PDE4B: variants seen among roughly 807,000 people sequenced by gnomAD.
PDE4B encodes the protein 3',5'-cyclic-AMP phosphodiesterase 4B.
A neutral mutation model predicts 82.2 loss-of-function variants in PDE4B; 20 were observed. That is an observed-to-expected ratio of 0.24 (90% CI 0.17 to 0.35). The LOEUF (loss-of-function observed/expected upper bound fraction) is 0.35, where lower values mean the gene tolerates loss of function less well. PDE4B is among the 10% of genes least tolerant of loss of function. PDE4B has a pLI of 1.00. For missense variants in PDE4B, 655 were observed against 907.2 expected, an observed-to-expected ratio of 0.72 and a Z score of 3.57; for synonymous variants, 320 against 318.9, an observed-to-expected ratio of 1.00 and a Z score of -0.04.
chr1:66,031,369 G>A (rs1653766552), intron 3 of PDE4B, among the ~76,000 whole-genome samples: 2 of 152,176 alleles, frequency 1.3e-5, no homozygotes, highest in South Asian at 4.1e-4. Flanking sequence ...CATGGTCAAG[G>A]AAGGAAAGTG....
intron 3 of PDE4B, among the ~76,000 whole-genome samples, chr1:66,066,920 C>G (rs1031958526): frequency 2.0e-5 from 3 of 151,932 alleles, no homozygotes; most frequent in Non-Finnish European, 4.4e-5. Flanking sequence ...CAAGATTATT[C>G]TGAACATTCA....
At chr1:65,967,307 G>C (rs966671533) in intron 3 of PDE4B, among the ~76,000 whole-genome samples, 7 of 152,184 alleles carry the variant, frequency 4.6e-5, no homozygotes, top group African/African-American at 1.7e-4. Flanking sequence ...CTGGTCATTA[G>C]AGCAATGCAA....
At chr1:65,968,546 G>T (rs541354613) in intron 3 of PDE4B, among the ~76,000 whole-genome samples, 19 of 152,104 alleles carry the variant, frequency 1.2e-4, no homozygotes, top group African/African-American at 3.6e-4. Context: ...AGAGGAATGG[G>T]AAGTTATTCT....
At chr1:65,818,705 A>ATATATATAT (rs1166597055) in intron 1 of PDE4B, among the ~76,000 whole-genome samples, 1 of 93,654 alleles carries the variant, frequency 1.1e-5, no homozygotes, top group Admixed American at 1.1e-4. Context: ...TATATATATA[A>ATATATATAT]AATAACAAAA....
At position 65,887,247 on chromosome 1, in the gene PDE4B, T is replaced by TTTCTTTCTTTCTTTTTC. The variant is rs1297971405; in HGVS notation, c.-70-25996_-70-25995insCTTTCTTTCTTTTTCTT. On this transcript the variant is annotated intron_variant, in intron 1 of 16. Transcript: ENST00000341517. ...CTTTCTTTCTTTCTTTCTTTCTTTCTTTTCTTTCTTTCTTTCCTTCCTTCT... is the reference window on the plus strand; with the variant it reads ...CTTTCTTTCTTTCTTTCTTTCTTTCTTTCTTTCTTTCTTTTTCTTTCTTTCTTTCTTTCCTTCCTTCT... Among the ~76,000 whole-genome samples the TTTCTTTCTTTCTTTTTC allele has an allele frequency of 1.2e-3, 44 of 37,724 alleles. 2 individuals are homozygous for TTTCTTTCTTTCTTTTTC. The highest frequency in any genetic ancestry group is 4.6e-3 in the African/African-American group (43 of 9,442). 24.7% of individuals were successfully genotyped at this position (37,724 alleles called of 152,430 possible). A position where few individuals can be genotyped will look rare whatever the true frequency, so the allele number is the denominator to read the frequency against.
intron 3 of PDE4B, among the ~76,000 whole-genome samples, chr1:66,071,542 A>G (rs932281641): frequency 6.6e-6 from 1 of 152,140 alleles, no homozygotes; most frequent in Non-Finnish European, 1.5e-5. Flanking sequence ...AGCTTACATC[A>G]TTTCCCACCA....
At position 65,918,662 on chromosome 1, in the gene PDE4B, G is replaced by T. The variant is rs762690777; in HGVS notation, c.108G>T (p.Gly36=). The stretch of plus-strand genomic sequence containing the variant: ...ACAGTTCTTCCAGTAACACACTTGG[G>T]ATCGACCTCTGGAGAGGGAGAAGGT... ...KSYSSSSNTL[G]IDLWRGRRCC... is the part of the protein sequence containing the mutation. Residue 36 remains glycine (G), a synonymous_variant, in exon 3 of 17, where the codon GGG becomes GGT. Coordinates refer to ENST00000341517, the MANE Select transcript of PDE4B (RefSeq NM_002600.4). 13 of 1,613,776 alleles carry T rather than the reference G, an allele frequency of 8.1e-6. No homozygotes were observed. The South Asian group carries it at 1.4e-4, about 18-fold the overall frequency.
At chr1:66,180,998 G>A (rs1647052502) in intron 3 of PDE4B, among the ~76,000 whole-genome samples, 1 of 152,182 alleles carries the variant, frequency 6.6e-6, no homozygotes, top group Non-Finnish European at 1.5e-5. Context: ...TGCATATGCA[G>A]AGTAATTCAA....
intron 3 of PDE4B, among the ~76,000 whole-genome samples, chr1:65,976,903 T>C (rs1168564637): frequency 1.3e-5 from 2 of 152,310 alleles, no homozygotes; most frequent in East Asian, 3.9e-4. Flanking sequence ...TAGTTCTTTA[T>C]AGCAGTGTGA....
intron 3 of PDE4B, among the ~76,000 whole-genome samples, chr1:66,228,645 A>T (rs1320531017): frequency 7.0e-6 from 1 of 143,442 alleles, no homozygotes; most frequent in Non-Finnish European, 1.5e-5. Context: ...AAAAAAAAAC[A>T]TGCTATAGTG....
intron 3 of PDE4B, among the ~76,000 whole-genome samples, chr1:66,008,190 G>A (rs1394707308): frequency 1.3e-5 from 2 of 152,158 alleles, no homozygotes; most frequent in African/African-American, 4.8e-5. Context: ...TCTACTTACA[G>A]AATTTGGCAC....
At chr1:66,113,711 T>A (rs1184336636) in intron 3 of PDE4B, among the ~76,000 whole-genome samples, 1 of 152,240 alleles carries the variant, frequency 6.6e-6, no homozygotes, top group African/African-American at 2.4e-5. Flanking sequence ...ATATTTACTT[T>A]ATATACTATC....
At chr1:66,139,733 C>A (rs1261942638) in intron 3 of PDE4B, among the ~76,000 whole-genome samples, 1 of 104,400 alleles carries the variant, frequency 9.6e-6, no homozygotes, top group African/African-American at 4.2e-5. Context: ...CCCCTCCCCC[C>A]TCAAAAAAAA....
chr1:66,158,489 G>A (rs752216718), intron 3 of PDE4B, among the ~76,000 whole-genome samples: 2 of 152,140 alleles, frequency 1.3e-5, no homozygotes, highest in Non-Finnish European at 2.9e-5. Context: ...CTCATATACT[G>A]TTGGTAAGAA....
chr1:65,951,703 A>G (rs1319709847), intron 3 of PDE4B, among the ~76,000 whole-genome samples: 2 of 152,104 alleles, frequency 1.3e-5, no homozygotes, highest in Non-Finnish European at 2.9e-5. Context: ...AAATGAGGTA[A>G]TATGATTGCT....
intron 3 of PDE4B, among the ~76,000 whole-genome samples, chr1:66,007,922 C>T (rs938591252): frequency 2.0e-5 from 3 of 152,194 alleles, no homozygotes; most frequent in East Asian, 3.9e-4. Flanking sequence ...TACATGTGTT[C>T]TGATTTGGAG....
chr1:66,134,837 T>C (rs934146669), intron 3 of PDE4B, among the ~76,000 whole-genome samples: 3 of 152,224 alleles, frequency 2.0e-5, no homozygotes, highest in Non-Finnish European at 4.4e-5. Flanking sequence ...TAGAGCCGTG[T>C]AGATAAATAA....
intron 1 of PDE4B, among the ~76,000 whole-genome samples, chr1:65,841,073 G>A (rs1646201251): frequency 6.6e-6 from 1 of 152,128 alleles, no homozygotes; most frequent in South Asian, 2.1e-4. Context: ...GAGGTAGGTG[G>A]ATTGCCTGAG....
intron 7 of PDE4B, among the ~76,000 whole-genome samples, chr1:66,330,341 A>G (rs1392501583): frequency 1.3e-5 from 2 of 151,848 alleles, no homozygotes; most frequent in South Asian, 2.1e-4. Context: ...TAGACAATGA[A>G]TGAGCTCACT....
Sources: gnomAD v4.1 joint callset for allele counts (sites outside exome capture counted in the v4.1 genomes callset) on GRCh38, gnomAD v4.1.1 for gene constraint, MANE v1.5 for transcripts, NCBI Gene and HGNC (gene_info 2026-07-23, HGNC 2026-07-21) for gene names.